Variants in WDPCP observed in about 807,000 individuals in gnomAD.
WDPCP encodes WD repeat-containing and planar cell polarity effector protein fritz homolog.
A neutral mutation model predicts 93.1 loss-of-function variants in WDPCP; 71 were observed. The observed-to-expected ratio is 0.76, with a 90% CI of 0.63 to 0.93. The LOEUF (loss-of-function observed/expected upper bound fraction) is 0.93, where lower values mean the gene tolerates loss of function less well. WDPCP is among the 40% of genes least tolerant of loss of function. The pLI is 0.00. For missense variants in WDPCP, 844 were observed against 887.4 expected (o/e 0.95, Z 0.62); for synonymous variants, 315 against 315.0 (o/e 1.00, Z 0.00).
At chr2:63,439,959 T>C (rs1461340395) in intron 6 of WDPCP, 88 bp from the exon 7 acceptor site, 3 of 982,962 alleles carry the variant, frequency 3.1e-6, no homozygotes, top group Non-Finnish European at 4.9e-6. Flanking sequence ...ATACAACTTA[T>C]ACAGATATTT....
intron 14 of WDPCP, among the ~76,000 whole-genome samples, chr2:63,224,747 C>T (rs866034970): frequency 1.3e-5 from 2 of 151,864 alleles, no homozygotes; most frequent in African/African-American, 4.8e-5. Flanking sequence ...GAGAGATGAA[C>T]AGGCAGAGCA....
intron 12 of WDPCP, among the ~76,000 whole-genome samples, chr2:63,366,329 T>TTTAA (rs1690904987): frequency 1.3e-5 from 2 of 151,988 alleles, no homozygotes; most frequent in South Asian, 4.1e-4. Context: ...TTCCTTAGCA[T>TTTAA]TTAATTGATC....
intron 14 of WDPCP, among the ~76,000 whole-genome samples, chr2:63,242,050 A>G (rs970748895): frequency 2.0e-5 from 3 of 152,234 alleles, no homozygotes; most frequent in Non-Finnish European, 2.9e-5. Flanking sequence ...TATGCATAGA[A>G]AAAAGGGAAT....
intron 12 of WDPCP, among the ~76,000 whole-genome samples, chr2:63,353,395 T>C (rs983638775): frequency 1.3e-5 from 2 of 152,148 alleles, no homozygotes; most frequent in African/African-American, 4.8e-5. Flanking sequence ...CAAGTCCCAC[T>C]TCCACAGCAC....
At chr2:63,140,188 C>T (rs1011245319) in intron 17 of WDPCP, among the ~76,000 whole-genome samples, 1 of 152,092 alleles carries the variant, frequency 6.6e-6, no homozygotes, top group Non-Finnish European at 1.5e-5. Flanking sequence ...ATTTTTATAC[C>T]AGTACCATGC....
intron 14 of WDPCP, among the ~76,000 whole-genome samples, chr2:63,250,603 G>C (rs1003434039): frequency 3.9e-5 from 6 of 152,056 alleles, no homozygotes; most frequent in Admixed American, 3.3e-4. Flanking sequence ...TTCCCCATGT[G>C]AATTATAAAA....
intron 12 of WDPCP, among the ~76,000 whole-genome samples, chr2:63,363,057 T>G (rs2104684911): frequency 6.6e-6 from 1 of 152,258 alleles, no homozygotes; most frequent in South Asian, 2.1e-4. Flanking sequence ...TTCCACTTAT[T>G]TAGATTTTTT....
chr2:63,559,002 T>G (rs764236959), intron 1 of WDPCP, among the ~76,000 whole-genome samples: 31 of 152,066 alleles, frequency 2.0e-4, no homozygotes, highest in Non-Finnish European at 3.4e-4. Context: ...CAGGCCAACA[T>G]CCCTGATGAA....
chr2:63,800,908 G>C (rs1311084278), intron 2 of WDPCP, among the ~76,000 whole-genome samples: 1 of 151,864 alleles, frequency 6.6e-6, no homozygotes, highest in Non-Finnish European at 1.5e-5. Flanking sequence ...TTAAAAATTA[G>C]CCAGGCATGG....
chr2:63,681,997 A>G (rs1032501287), intron 2 of WDPCP, among the ~76,000 whole-genome samples: 7 of 152,222 alleles, frequency 4.6e-5, no homozygotes, highest in Non-Finnish European at 7.3e-5. Flanking sequence ...GGGTGCCCCC[A>G]ATGCAGATAC....
chr2:63,400,474 T>A (rs370167764), intron 10 of WDPCP, among the ~76,000 whole-genome samples: 2 of 152,294 alleles, frequency 1.3e-5, no homozygotes, highest in African/African-American at 4.8e-5. Context: ...ATTTGTAAAC[T>A]GTATATCTGA....
At chr2:63,800,214 A>G (rs1039662327) in intron 2 of WDPCP, among the ~76,000 whole-genome samples, 6 of 152,170 alleles carry the variant, frequency 3.9e-5, no homozygotes, top group African/African-American at 9.6e-5. Flanking sequence ...AAAAAACCCA[A>G]TGGAATTCTG....
At chr2:63,403,488 C>T (rs1307467006) in intron 10 of WDPCP, among the ~76,000 whole-genome samples, 1 of 152,098 alleles carries the variant, frequency 6.6e-6, no homozygotes, top group Non-Finnish European at 1.5e-5. Flanking sequence ...TAGCTATTAA[C>T]TTATCAACAT....
intron 2 of WDPCP, among the ~76,000 whole-genome samples, chr2:63,786,191 T>C (rs898674760): frequency 5.3e-5 from 8 of 152,128 alleles, no homozygotes; most frequent in African/African-American, 1.4e-4. Flanking sequence ...TTAAATTCTT[T>C]TGTAGAGACG....
At chr2:63,623,077 C>T (rs1219833801) in intron 3 of WDPCP, among the ~76,000 whole-genome samples, 3 of 152,210 alleles carry the variant, frequency 2.0e-5, no homozygotes, top group African/African-American at 7.2e-5. Flanking sequence ...ATCTCATATC[C>T]AATCAAACTA....
At position 63,323,288 on chromosome 2, in the gene WDPCP, T is replaced by C. The variant is rs565227616; in HGVS notation, c.1749-9977A>G. Reference sequence around the variant, plus strand: ...TCCTGCTTCTAAAAACCACTCCCTGTCTCTGGTGCTTTTCTAGTTTCTCCT... The same window carrying C: ...TCCTGCTTCTAAAAACCACTCCCTGCCTCTGGTGCTTTTCTAGTTTCTCCT... On this transcript the variant is annotated intron_variant, in intron 12 of 17. Transcript: ENST00000272321. 3.3e-5 allele frequency among the ~76,000 whole-genome samples: 5 copies of C among 152,336 alleles called. No homozygotes were observed. In the South Asian group the frequency reaches 1.0e-3, roughly 32 times the overall value.
intron 14 of WDPCP, among the ~76,000 whole-genome samples, chr2:63,185,638 A>T (rs192752459): frequency 6.6e-6 from 1 of 152,160 alleles, no homozygotes; most frequent in Non-Finnish European, 1.5e-5. Flanking sequence ...CATCTCATTC[A>T]TAAGTGCTAT....
chr2:63,545,518 C>T (rs1705088489), intron 1 of WDPCP, among the ~76,000 whole-genome samples: 1 of 152,112 alleles, frequency 6.6e-6, no homozygotes. Context: ...TGTTCTCCAG[C>T]ATCAGGCTTC....
chr2:63,639,001 T>C (rs2106634386), intron 3 of WDPCP, among the ~76,000 whole-genome samples: 1 of 152,296 alleles, frequency 6.6e-6, no homozygotes, highest in South Asian at 2.1e-4. Flanking sequence ...AATTCTATGT[T>C]CAGAAATTTG....
Sources: gnomAD v4.1 joint callset for allele counts (sites outside exome capture counted in the v4.1 genomes callset) on GRCh38, gnomAD v4.1.1 for gene constraint, MANE v1.5 for transcripts, NCBI Gene and HGNC (gene_info 2026-07-23, HGNC 2026-07-21) for gene names.